Variants in RNF123 observed in about 807,000 individuals in gnomAD.
RNF123 encodes ring finger protein 123.
RNF123 carries 86 observed loss-of-function variants against 168.5 expected under a neutral mutation model. The observed-to-expected ratio is 0.51, with a 90% CI of 0.43 to 0.61. The LOEUF (loss-of-function observed/expected upper bound fraction) is 0.61, where lower values mean the gene tolerates loss of function less well. RNF123 is among the 20% of genes least tolerant of loss of function. RNF123 has a pLI of 0.00. For synonymous variants in RNF123, 666 were observed against 689.1 expected (o/e 0.97, Z 0.52); for missense variants, 1,419 against 1,729.7 (o/e 0.82, Z 3.19).
At chr3:49,694,814 A>G (rs910954547) in intron 3 of RNF123, among the ~76,000 whole-genome samples, 5 of 151,214 alleles carry the variant, frequency 3.3e-5, no homozygotes, top group African/African-American at 9.7e-5. Flanking sequence ...TCTCAGAGCC[A>G]TCTGATCCCT....
At chr3:49,709,458 G>A (rs1439579378) in intron 26 of RNF123, among the ~76,000 whole-genome samples, 25 of 152,008 alleles carry the variant, frequency 1.6e-4, no homozygotes, top group Non-Finnish European at 3.4e-4. Context: ...CTGCCACCAC[G>A]CCCGGCTAAT....
intron 31 of RNF123, among the ~76,000 whole-genome samples, chr3:49,715,181 A>G (rs1344915399): frequency 1.3e-5 from 2 of 152,246 alleles, no homozygotes; most frequent in African/African-American, 4.8e-5. Context: ...AGCAGGGCTT[A>G]GAGTAGGCTC....
chr3:49,711,141 G>T (rs1446566456), intron 26 of RNF123, among the ~76,000 whole-genome samples: 1 of 152,194 alleles, frequency 6.6e-6, no homozygotes, highest in Admixed American at 6.5e-5. Context: ...TTCAAGACCA[G>T]CCTGGCCAAC....
rs1419383471 is a variant in RNF123, at chr3:49,694,136, CA to C, written c.167+2628del. 1.3e-5 allele frequency among the ~76,000 whole-genome samples: 2 copies of C among 152,170 alleles called. 1 individual carries two copies. The highest frequency in any genetic ancestry group is 6.3e-3 in the Middle Eastern group (2 of 316). On this transcript the variant is annotated intron_variant, in intron 3 of 38. Coordinates refer to ENST00000327697, the MANE Select transcript of RNF123 (RefSeq NM_022064.5). The stretch of plus-strand genomic sequence containing the variant: ...TGTTTATCTTATAATGTATGTAGTT[CA>C]GATTATGCTGTATAGAAAACTTTAA...
At position 49,705,127 on chromosome 3, in the gene RNF123, C is replaced by T. The variant is rs199763252; in HGVS notation, c.2103C>T (p.Thr701=). 7 of 1,609,960 alleles carry T rather than the reference C, an allele frequency of 4.3e-6. No homozygotes were observed. The East Asian group carries it at 1.6e-4, about 36-fold the overall frequency. Residue 701 remains threonine, a synonymous_variant, in exon 23 of 39, where the codon ACC becomes ACT. Coordinates refer to ENST00000327697, the MANE Select transcript of RNF123 (RefSeq NM_022064.5). ...SLMTPRRPLS[T]SEKVKVRTLS... ...TGACCCCACGGCGGCCTCTGAGCAC[C>T]TCGGAGAAAGTGAAGGTCCGCACGC...
At chr3:49,716,629 G>A (rs1444912877) in intron 35 of RNF123, 152 bp downstream of exon 35, 7 of 692,920 alleles carry the variant, frequency 1.0e-5, no homozygotes, top group African/African-American at 5.3e-5. Context: ...AGGTGTGAAC[G>A]GCCTAAATAG....
Position 49,712,569 on chromosome 3 carries a change from C to A in RNF123, c.2587C>A (p.Pro863Thr). Residue 863 changes from proline to threonine, a missense_variant, in exon 27 of 39, where the codon CCC becomes ACC. Pro to Thr is a conservative substitution (Grantham distance 38). This residue lies in a region of RNF123 where 538 missense variants were observed against 708.8 expected (regional missense o/e 0.76). Transcript: ENST00000327697. ...CACAGGGTCTCTCTTTGCCTTCATG[C>A]CCGAGTTCTACCTGAGCGTGGCCAT... is the stretch of plus-strand genomic sequence containing the variant. ...DRTGSLFAFM[P>T]EFYLSVAINS... 6.2e-7 allele frequency: 1 copy of A among 1,614,190 alleles called. No individual in the cohort carries two copies. Among genetic ancestry groups the A allele is most frequent in the East Asian group, 2.2e-5 (1 of 44,888 alleles).
intron 26 of RNF123, among the ~76,000 whole-genome samples, chr3:49,708,351 C>CT (rs1394399935): frequency 3.3e-5 from 5 of 152,234 alleles, no homozygotes; most frequent in African/African-American, 4.8e-5. Context: ...AAAACTGATA[C>CT]TCCGTGCCTG....
In RNF123 at chr3:49,706,793, G is replaced by A. The variant is rs1369910809; in HGVS notation, c.2391G>A (p.Arg797=). The A allele has an allele frequency of 1.2e-6, 2 of 1,614,034 alleles. No homozygotes were observed. The highest frequency in any genetic ancestry group is 1.7e-5 in the Admixed American group (1 of 60,028). Residue 797 remains arginine, a splice_region_variant and synonymous_variant, in exon 26 of 39, where the codon AGG becomes AGA. Transcript: ENST00000327697. Reference sequence around the variant, plus strand: ...CCTCCTTTCCCCTTGGGTGGCAGAGGAAGGACATCCTTGCAGAGTTGACCA... The same window carrying A: ...CCTCCTTTCCCCTTGGGTGGCAGAGAAAGGACATCCTTGCAGAGTTGACCA... The part of the protein sequence containing the change: ...EDKLRRCPKR[R]KDILAELTKS...
Position 49,699,827 on chromosome 3 carries a change from G to T in RNF123, c.984+55G>T. 6.5e-7 allele frequency: 1 copy of T among 1,543,960 alleles called. No homozygotes were observed. The highest frequency in any genetic ancestry group is 1.1e-5 in the South Asian group (1 of 89,290). On this transcript the variant is annotated intron_variant, in intron 12 of 38. Transcript: ENST00000327697. The surrounding 1 kb of genome is among the most constrained non-coding windows in gnomAD (Gnocchi z 4.8). ...GGAGGAGACAGGCCATGCTAGACAC[G>T]CCCGTGGTAGATGTGCCCTCACTGA...
In RNF123 at chr3:49,720,586, G is replaced by A. The variant is rs779079156; in HGVS notation, c.3576G>A (p.Gln1192=). 22 of 1,611,854 alleles carry A rather than the reference G, an allele frequency of 1.4e-5. No homozygotes were observed. Among genetic ancestry groups the A allele is most frequent in the Non-Finnish European group, 1.9e-5 (22 of 1,178,758 alleles). ...QLRSICYLLG[Q]PEPPAPGTAL... ...GCTCAATATGCTATCTCCTGGGACA[G>A]CCAGAGCCCCCAGCACCTGGCACTG... Residue 1192 remains glutamine (Q), a synonymous_variant, in exon 36 of 39, where the codon CAG becomes CAA. Coordinates refer to ENST00000327697, the MANE Select transcript of RNF123 (RefSeq NM_022064.5).
chr3:49,703,561 TG>T, intron 21 of RNF123, 33 bp downstream of exon 21: 1 of 1,547,334 alleles, frequency 6.5e-7, no homozygotes, highest in Non-Finnish European at 8.9e-7. Flanking sequence ...GGAGCAGTTC[TG>T]GGGCCAGGTG....
intron 21 of RNF123, among the ~76,000 whole-genome samples, chr3:49,704,135 C>T (rs544457295): frequency 2.0e-5 from 3 of 152,210 alleles, no homozygotes; most frequent in Middle Eastern, 3.4e-3. Context: ...TTGGACACAG[C>T]GCGTTTAGCG....
chr3:49,706,515 C>T (rs372588038), intron 25 of RNF123, among the ~76,000 whole-genome samples: 23 of 152,334 alleles, frequency 1.5e-4, no homozygotes, highest in African/African-American at 5.1e-4. Context: ...GGGGGAGCAG[C>T]GGTTCTGGCA....
At chr3:49,713,368 C>T (rs1022068853) in intron 27 of RNF123, 145 bp from the exon 28 acceptor site, 62 of 707,830 alleles carry the variant, frequency 8.8e-5, no homozygotes, top group South Asian at 7.5e-4. Context: ...ATGCTTTGCC[C>T]GATGTCCCCA....
intron 26 of RNF123, among the ~76,000 whole-genome samples, chr3:49,712,082 G>A (rs997742904): frequency 3.3e-5 from 5 of 151,994 alleles, no homozygotes; most frequent in East Asian, 1.9e-4. Context: ...AAAATTAGCC[G>A]AGCGCGGTAT....
intron 18 of RNF123, 88 bp from the exon 19 acceptor site, chr3:49,702,246 G>A (rs762558145): frequency 9.5e-6 from 15 of 1,586,228 alleles, no homozygotes; most frequent in Admixed American, 3.3e-5. Context: ...TCCCATGGCA[G>A]GGGCTGGGGG....
intron 15 of RNF123, 58 bp downstream of exon 15, chr3:49,700,767 A>G: frequency 6.4e-7 from 1 of 1,571,790 alleles, no homozygotes; most frequent in Admixed American, 1.7e-5. Context: ...GACTCAGCAG[A>G]GGCCAGGAAG....
chr3:49,710,722 T>C (rs1183017474), intron 26 of RNF123, among the ~76,000 whole-genome samples: 1 of 152,262 alleles, frequency 6.6e-6, no homozygotes, highest in Admixed American at 6.5e-5. Flanking sequence ...GTGGTTTCCT[T>C]TCTTTTTCAT....
Sources: gnomAD v4.1 joint callset for allele counts (sites outside exome capture counted in the v4.1 genomes callset) on GRCh38, gnomAD v4.1.1 for gene constraint, gnomAD v4.1.1 regional missense constraint, Gnocchi (gnomAD v3.1) non-coding constraint, MANE v1.5 for transcripts, NCBI Gene and HGNC (gene_info 2026-07-23, HGNC 2026-07-21) for gene names.